The following PRRC2B variants were observed in gnomAD, a reference collection of about 807,000 sequenced individuals.
The protein encoded by PRRC2B is protein PRRC2B.
In PRRC2B, 68 loss-of-function variants were observed where a neutral mutation model predicts 242.3. The observed-to-expected ratio is 0.28, with a 90% confidence interval of 0.23 to 0.34. The LOEUF is 0.34. Ranked by LOEUF, PRRC2B falls within the 10% of genes least tolerant of loss-of-function variation. The pLI is 1.00. For missense variants in PRRC2B, 2,835 were observed against 2,954.8 expected, an observed-to-expected ratio of 0.96 and a Z score of 0.94; for synonymous variants, 1,228 against 1,173.6, an observed-to-expected ratio of 1.05 and a Z score of -0.95.
Position 131,430,092 on chromosome 9 carries a change from A to G in PRRC2B, c.-51-2A>G, listed in dbSNP as rs889774492. 4 of 851,728 alleles carry G rather than the reference A, an allele frequency of 4.7e-6. No homozygotes were observed. In the African/African-American group the frequency reaches 5.3e-5, roughly 11 times the overall value. The allele number at this position is 851,728 out of a possible 1,614,324, so 52.8% of individuals were successfully genotyped here. A position where few individuals can be genotyped will look rare whatever the true frequency, so the allele number is the denominator to read the frequency against. The stretch of plus-strand genomic sequence containing the variant: ...TTTTTTTCTTCTCTATTTCAAAGGC[A>G]GATCGGGAGCGGTGCCGAGAAAAAT... On this transcript the variant is annotated splice_acceptor_variant, in intron 1 of 31. Transcript: ENST00000683519. LOFTEE classifies it low-confidence loss of function (5UTR_SPLICE).
At chr9:131,465,940 G>A (rs1304183157) in intron 12 of PRRC2B, among the ~76,000 whole-genome samples, 1 of 152,186 alleles carries the variant, frequency 6.6e-6, no homozygotes, top group African/African-American at 2.4e-5. Context: ...GGCCAGGCTG[G>A]TTTGGAACTC....
At chr9:131,492,396 G>A (rs1944221260) in intron 30 of PRRC2B, 136 bp downstream of exon 30, 1 of 653,330 alleles carries the variant, frequency 1.5e-6, no homozygotes, top group Non-Finnish European at 2.7e-6. Context: ...TGTCACTGTG[G>A]TGTTTCAGCA....
intron 1 of PRRC2B, among the ~76,000 whole-genome samples, chr9:131,419,300 A>G (rs1187499033): frequency 1.6e-4 from 24 of 152,344 alleles, no homozygotes; most frequent in Admixed American, 9.1e-4. Flanking sequence ...GTCCACTAGC[A>G]GATCCTAAAC....
intron 9 of PRRC2B, among the ~76,000 whole-genome samples, chr9:131,450,650 TG>T (rs1482283298): frequency 1.3e-5 from 2 of 152,068 alleles, no homozygotes; most frequent in Non-Finnish European, 2.9e-5. Flanking sequence ...TGCAGTGGCA[TG>T]ATCTCAGCTC....
chr9:131,455,289 T>A, intron 10 of PRRC2B, 123 bp downstream of exon 10: 1 of 694,730 alleles, frequency 1.4e-6, no homozygotes, highest in Non-Finnish European at 2.5e-6. Context: ...TTCCACTTTG[T>A]TTTGAGGGTG....
chr9:131,493,964 C>A (rs753275604), intron 30 of PRRC2B, among the ~76,000 whole-genome samples: 23 of 152,174 alleles, frequency 1.5e-4, no homozygotes, highest in Non-Finnish European at 3.2e-4. Context: ...ATTTTGGTTC[C>A]CCCATCCCCT....
rs753868745 is a variant in PRRC2B at position 131,475,696 on chromosome 9, C to T, written c.3567C>T (p.Ser1189=). ...ACAAGGGGTGCTCTGAGGACCACAG[C>T]GGTCTAGATGCCAAGAGCCGAGGCC... ...RSNKGCSEDH[S]GLDAKSRGPR... is the part of the protein sequence containing the mutation. The change falls in exon 16 of 32, where the codon AGC becomes AGT. Residue 1189 remains serine, a synonymous_variant. Coordinates refer to ENST00000683519, the MANE Select transcript of PRRC2B (RefSeq NM_013318.4). 5.6e-6 allele frequency: 9 copies of T among 1,612,632 alleles called. No individual in the cohort carries two copies. The highest frequency in any genetic ancestry group is 1.7e-5 in the Admixed American group (1 of 59,912).
At chr9:131,409,334 C>T (rs1207733765) in intron 1 of PRRC2B, among the ~76,000 whole-genome samples, 1 of 151,812 alleles carries the variant, frequency 6.6e-6, no homozygotes, top group Non-Finnish European at 1.5e-5. Flanking sequence ...TGCCTGCCAC[C>T]ACGCCTGGCT....
Position 131,491,461 on chromosome 9 carries a change from C to T in PRRC2B, c.6262C>T (p.Gln2088Ter). The T allele has an allele frequency of 6.2e-7, 1 of 1,611,060 alleles. No individual in the cohort carries two copies. The highest frequency in any genetic ancestry group is 8.5e-7 in the Non-Finnish European group (1 of 1,178,964). Residue 2088 changes from glutamine to a stop codon, truncating the protein, a stop_gained, in exon 29 of 32, where the codon CAG (glutamine) becomes TAG (stop). Coordinates refer to ENST00000683519, the MANE Select transcript of PRRC2B (RefSeq NM_013318.4). LOFTEE classifies it high-confidence loss of function. ...ACTGCCTCGGTACGGCTCCGGGCAG[C>T]AGCCACTGATCCTGCCCCAGTCTAT... ...MPLPRYGSGQ[Q>*]PLILPQSIQL...
At chr9:131,423,039 T>G (rs1353947169) in intron 1 of PRRC2B, among the ~76,000 whole-genome samples, 1 of 152,212 alleles carries the variant, frequency 6.6e-6, no homozygotes, top group Non-Finnish European at 1.5e-5. Flanking sequence ...AGGCTGGACT[T>G]CTTTCCAGCA....
In PRRC2B at chr9:131,445,873, G is replaced by C. The variant is rs140296121; in HGVS notation, c.614-528G>C. Among the ~76,000 whole-genome samples, 1,118 of 152,348 alleles carry C rather than the reference G, an allele frequency of 7.3e-3. 12 individuals carry two copies. Among genetic ancestry groups the C allele is most frequent in the African/African-American group, 0.026 (1,063 of 41,578 alleles). ...CAGGTCAGCAGGTTTCCGTCTGTGA[G>C]CTACGCAAGTGCCCCACACCTCCAC... On this transcript the variant is annotated intron_variant, in intron 6 of 31. Coordinates refer to ENST00000683519, the MANE Select transcript of PRRC2B (RefSeq NM_013318.4).
Position 131,489,640 on chromosome 9 carries a change from G to A in PRRC2B, c.6225+1544G>A, listed in dbSNP as rs186989057. ...TTTTCAGACTTGCATCTTGCCCCTC[G>A]CTGCCTCCCACCCATGACCTCCCTT... On this transcript the variant is annotated intron_variant, in intron 28 of 31. Coordinates refer to ENST00000683519, the MANE Select transcript of PRRC2B (RefSeq NM_013318.4). Among the ~76,000 whole-genome samples, 508 of 151,810 alleles carry A rather than the reference G, an allele frequency of 3.3e-3. 2 individuals are homozygous for A. Among genetic ancestry groups the A allele is most frequent in the Non-Finnish European group, 6.2e-3 (419 of 67,938 alleles).
At chr9:131,397,091 C>G (rs150393753) in intron 1 of PRRC2B, among the ~76,000 whole-genome samples, 7 of 152,210 alleles carry the variant, frequency 4.6e-5, no homozygotes, top group African/African-American at 1.7e-4. Flanking sequence ...GATTTTTCCT[C>G]GCTTCCTGCC....
chr9:131,480,702 C>T (rs902823057), intron 19 of PRRC2B, among the ~76,000 whole-genome samples: 2 of 151,972 alleles, frequency 1.3e-5, no homozygotes, highest in African/African-American at 4.8e-5. Context: ...CCTTCTGCCT[C>T]AGCCTCCTGA....
chr9:131,440,040 C>T (rs759253645), intron 5 of PRRC2B, among the ~76,000 whole-genome samples: 2 of 152,126 alleles, frequency 1.3e-5, no homozygotes, highest in African/African-American at 4.8e-5. Flanking sequence ...GGCGCATGCA[C>T]CACCACGCCT....
At chr9:131,431,405 C>T (rs28482171) in intron 2 of PRRC2B, among the ~76,000 whole-genome samples, 9,406 of 151,980 alleles carry the variant, frequency 0.062, 375 homozygotes, top group Admixed American at 0.12. Context: ...GCTGGGATTA[C>T]AGGCGTGAGC....
intron 1 of PRRC2B, among the ~76,000 whole-genome samples, chr9:131,412,212 C>T (rs1443052551): frequency 2.6e-5 from 4 of 152,158 alleles, no homozygotes; most frequent in Non-Finnish European, 4.4e-5. Flanking sequence ...GGACAGGCTT[C>T]TGTTTGTTCT....
chr9:131,437,645 C>G (rs900754220), intron 4 of PRRC2B, among the ~76,000 whole-genome samples: 1 of 152,254 alleles, frequency 6.6e-6, no homozygotes, highest in Non-Finnish European at 1.5e-5. Flanking sequence ...TTTAACCATA[C>G]TCAGGGAAGT....
intron 1 of PRRC2B, among the ~76,000 whole-genome samples, chr9:131,404,694 C>G (rs1000587842): frequency 6.6e-6 from 1 of 152,200 alleles, no homozygotes; most frequent in African/African-American, 2.4e-5. Flanking sequence ...GCTGCCCTTT[C>G]ACGTGATAAA....
Sources: gnomAD v4.1 joint callset for allele counts (sites outside exome capture counted in the v4.1 genomes callset) on GRCh38, gnomAD v4.1.1 for gene constraint, MANE v1.5 for transcripts, NCBI Gene and HGNC (gene_info 2026-07-23, HGNC 2026-07-21) for gene names.